Variants in NPAS3 observed in about 807,000 individuals in gnomAD.
NPAS3 encodes the protein neuronal PAS domain-containing protein 3.
A neutral mutation model predicts 73.1 loss-of-function variants in NPAS3; 14 were observed. The ratio of observed to expected loss-of-function variants is 0.19; its 90% confidence interval spans 0.13 to 0.30. NPAS3 has a LOEUF of 0.30. NPAS3 is among the 10% of genes least tolerant of loss of function. The pLI is 1.00. For missense variants in NPAS3, 1,096 were observed against 1,250.0 expected (o/e 0.88, Z 1.86); for synonymous variants, 620 against 541.5 (o/e 1.14, Z -2.01).
chr14:33,403,115 C>T (rs535324431), intron 4 of NPAS3, among the ~76,000 whole-genome samples: 34 of 152,108 alleles, frequency 2.2e-4, no homozygotes, highest in African/African-American at 8.2e-4. Context: ...CCTTCAATAC[C>T]AGTTTTCATT....
At chr14:33,447,953 G>A (rs1000587191) in intron 4 of NPAS3, among the ~76,000 whole-genome samples, 8 of 152,290 alleles carry the variant, frequency 5.3e-5, no homozygotes, top group African/African-American at 1.7e-4. Flanking sequence ...GTGACATTTA[G>A]AAAGTAGGAG....
intron 1 of NPAS3, among the ~76,000 whole-genome samples, chr14:33,041,351 T>C (rs902122109): frequency 1.3e-5 from 2 of 152,130 alleles, no homozygotes. Context: ...ATGAAGGTAA[T>C]AACACACAGT....
At chr14:33,637,000 TG>T (rs1359678468) in intron 5 of NPAS3, among the ~76,000 whole-genome samples, 3 of 152,312 alleles carry the variant, frequency 2.0e-5, no homozygotes, top group Admixed American at 6.5e-5. Flanking sequence ...CATCTATCTT[TG>T]TTTTCTTCCG....
intron 11 of NPAS3, among the ~76,000 whole-genome samples, chr14:33,799,359 CTGAG>C (rs940407017): frequency 3.9e-5 from 6 of 152,220 alleles, no homozygotes; most frequent in African/African-American, 1.4e-4. Flanking sequence ...ACCTGACTTC[CTGAG>C]TATCTTTGTG....
At chr14:33,387,004 T>G (rs565980156) in intron 4 of NPAS3, among the ~76,000 whole-genome samples, 2 of 152,228 alleles carry the variant, frequency 1.3e-5, no homozygotes, top group African/African-American at 4.8e-5. Context: ...AGGGAGGAAG[T>G]CAGAGTTGAT....
chr14:33,111,585 A>C (rs2042893822), intron 2 of NPAS3, among the ~76,000 whole-genome samples: 1 of 152,064 alleles, frequency 6.6e-6, no homozygotes, highest in Non-Finnish European at 1.5e-5. Context: ...GAGATGTGTT[A>C]GTTTGAATTT....
intron 3 of NPAS3, among the ~76,000 whole-genome samples, chr14:33,301,162 C>A (rs939131602): frequency 6.6e-6 from 1 of 151,560 alleles, no homozygotes; most frequent in Non-Finnish European, 1.5e-5. Context: ...TTCTCAACAT[C>A]CACCTGTGGG....
In NPAS3 at chr14:33,512,649, A is replaced by T. The variant is rs117324159; in HGVS notation, c.469-47472A>T. ...TGCATTCTGGTGTGCCTCTGTGTGT[A>T]CTAAGTATTTCTCTCTTTGTAGAAC... On this transcript the variant is annotated intron_variant, in intron 4 of 11. Coordinates refer to ENST00000356141, the Ensembl canonical transcript of NPAS3. 3.7e-4 allele frequency among the ~76,000 whole-genome samples: 57 copies of T among 152,174 alleles called. No individual in the cohort carries two copies. In the East Asian group the frequency reaches 0.01, roughly 28 times the overall value.
At chr14:33,215,671 GAAATGA>G in intron 3 of NPAS3, 1 of 672,550 alleles carries the variant, frequency 1.5e-6, no homozygotes, top group Non-Finnish European at 2.7e-6. Context: ...AGATTTCAGA[GAAATGA>G]AAATGAAATG....
intron 4 of NPAS3, among the ~76,000 whole-genome samples, chr14:33,437,233 T>C (rs1169890886): frequency 6.6e-6 from 1 of 152,224 alleles, no homozygotes; most frequent in Non-Finnish European, 1.5e-5. Context: ...TTCTAATTAG[T>C]TGATCTCATC....
At chr14:33,642,047 C>CGATA (rs1239647117) in intron 5 of NPAS3, among the ~76,000 whole-genome samples, 4 of 152,076 alleles carry the variant, frequency 2.6e-5, no homozygotes, top group African/African-American at 9.6e-5. Context: ...TTTATCATGT[C>CGATA]GATAGATAGA....
At chr14:33,699,620 C>A (rs113615390) in intron 6 of NPAS3, among the ~76,000 whole-genome samples, 7 of 152,126 alleles carry the variant, frequency 4.6e-5, no homozygotes, top group East Asian at 3.9e-4. Flanking sequence ...ATGCTGAAAC[C>A]CTTTGCCTCG....
intron 4 of NPAS3, among the ~76,000 whole-genome samples, chr14:33,453,895 AGC>A (rs1265476156): frequency 6.6e-6 from 1 of 152,174 alleles, no homozygotes; most frequent in Non-Finnish European, 1.5e-5. Context: ...TCACCACGTT[AGC>A]CAGGCCGGTC....
chr14:33,027,706 A>G (rs2039855715), intron 1 of NPAS3, among the ~76,000 whole-genome samples: 1 of 152,162 alleles, frequency 6.6e-6, no homozygotes, highest in South Asian at 2.1e-4. Flanking sequence ...AAACAGCTGT[A>G]TTATAGATTC....
chr14:33,093,198 G>C (rs2042287762), intron 2 of NPAS3, among the ~76,000 whole-genome samples: 1 of 151,944 alleles, frequency 6.6e-6, no homozygotes, highest in South Asian at 2.1e-4. Flanking sequence ...CAGAATGGGA[G>C]AAAATTTTTG....
rs1838420215 is a variant in NPAS3, at chr14:33,800,024, G to C, written c.1717G>C (p.Glu573Gln). Reference sequence around the variant, plus strand: ...GTCGGACCTGCGGCTGCAGAACTGCGAGTCACTCACGTCCGACAGCGCCAA... The same window carrying C: ...GTCGGACCTGCGGCTGCAGAACTGCCAGTCACTCACGTCCGACAGCGCCAA... The change falls in exon 12 of 12, where the codon GAG becomes CAG. Residue 573 changes from glutamate (E) to glutamine (Q), a missense_variant. By Grantham distance (29) the Glu-to-Gln change is conservative (BLOSUM62 2). This residue lies in a region of NPAS3 where 698 missense variants were observed against 676.7 expected (regional missense o/e 1.03). Transcript: ENST00000356141. This position sits in a 1 kb window ranked among gnomAD's most constrained non-coding sequence, Gnocchi z 6.5. 14 of 1,611,026 alleles carry C rather than the reference G, an allele frequency of 8.7e-6. No homozygotes were observed. The highest frequency in any genetic ancestry group is 1.2e-5 in the Non-Finnish European group (14 of 1,179,802).
intron 2 of NPAS3, among the ~76,000 whole-genome samples, chr14:33,113,470 T>A (rs1053423837): frequency 6.6e-6 from 1 of 152,184 alleles, no homozygotes; most frequent in African/African-American, 2.4e-5. Flanking sequence ...TCTCTGTTTG[T>A]CTGTTATTAG....
intron 3 of NPAS3, among the ~76,000 whole-genome samples, chr14:33,269,812 G>T (rs997043563): frequency 6.6e-6 from 1 of 151,920 alleles, no homozygotes; most frequent in Admixed American, 6.6e-5. Flanking sequence ...GGGAAGCAGG[G>T]AGGGGGGTAT....
At chr14:33,466,704 G>C (rs1951384) in intron 4 of NPAS3, among the ~76,000 whole-genome samples, 2 of 151,738 alleles carry the variant, frequency 1.3e-5, no homozygotes, top group Non-Finnish European at 2.9e-5. Flanking sequence ...GGAGAGAGGC[G>C]TCTCACATGA....
Sources: allele counts gnomAD v4.1 joint callset (sites outside exome capture counted in the v4.1 genomes callset), GRCh38; gene constraint gnomAD v4.1.1; regional missense constraint gnomAD v4.1.1; non-coding constraint Gnocchi (gnomAD v3.1); transcripts MANE v1.5; gene names NCBI Gene and HGNC (gene_info 2026-07-23, HGNC 2026-07-21).